Variants in BCAS3 observed in about 807,000 individuals in gnomAD.
The protein encoded by BCAS3 is BCAS4/BCAS3 fusion.
Under a neutral mutation model 116.1 loss-of-function variants are expected in BCAS3, and 53 were observed. That is an observed-to-expected ratio of 0.46 (90% CI 0.37 to 0.57). The LOEUF is 0.57. Among genes scored for constraint, BCAS3 ranks in the 20% least tolerant of loss-of-function variants. BCAS3 has a pLI of 0.00. For missense variants in BCAS3, 917 were observed against 1,165.4 expected, an observed-to-expected ratio of 0.79 and a Z score of 3.10; for synonymous variants, 391 against 408.2, an observed-to-expected ratio of 0.96 and a Z score of 0.51.
At chr17:60,820,292 G>A (rs1034153771) in intron 7 of BCAS3, among the ~76,000 whole-genome samples, 3 of 152,000 alleles carry the variant, frequency 2.0e-5, no homozygotes, top group East Asian at 2.0e-4. Context: ...TGATCTGCCC[G>A]CCTTGGCCTC....
In BCAS3 at chr17:61,305,248, T is replaced by C. The variant is rs1392236477; in HGVS notation, c.2426-63079T>C. ...CGGTGCATAGTCAATCAGCCAAACC[T>C]CTGATTCAGCTGCTTAGTTGGGTTA... is the stretch of plus-strand genomic sequence containing the variant. On this transcript the variant is annotated intron_variant, in intron 22 of 23. Transcript: ENST00000407086. 2.6e-5 allele frequency among the ~76,000 whole-genome samples: 4 copies of C among 152,184 alleles called. No individual in the cohort carries two copies. In the East Asian group the frequency reaches 7.7e-4, roughly 29 times the overall value.
chr17:60,750,845 C>A (rs1446680392), intron 6 of BCAS3, among the ~76,000 whole-genome samples: 1 of 152,174 alleles, frequency 6.6e-6, no homozygotes, highest in East Asian at 1.9e-4. Flanking sequence ...CCTTCTAACC[C>A]TTCTTGTTCC....
chr17:60,935,639 A>G (rs561289713), intron 13 of BCAS3, among the ~76,000 whole-genome samples: 97 of 152,312 alleles, frequency 6.4e-4, no homozygotes, highest in South Asian at 2.1e-3. Flanking sequence ...ACATATGCTC[A>G]TATACCCAAA....
Position 61,105,099 on chromosome 17 carries a change from C to T in BCAS3, c.2425+20535C>T, listed in dbSNP as rs1370380799. Among the ~76,000 whole-genome samples the T allele has an allele frequency of 3.3e-5, 5 of 152,144 alleles. No individual in the cohort carries two copies. Among genetic ancestry groups the T allele is most frequent in the African/African-American group, 1.2e-4 (5 of 41,432 alleles). ...TGCATTTCCATCTCTTTCATCCCTC[C>T]CTTTTTATGAGAATAAAAAGTGAAT... is the stretch of plus-strand genomic sequence containing the variant. On this transcript the variant is annotated intron_variant, in intron 22 of 23. Coordinates refer to ENST00000407086, the MANE Select transcript of BCAS3 (RefSeq NM_017679.5). This position sits in a 1 kb window ranked among gnomAD's most constrained non-coding sequence, Gnocchi z 4.3.
At chr17:60,925,098 AAAG>A (rs1260686392) in intron 13 of BCAS3, among the ~76,000 whole-genome samples, 3 of 150,794 alleles carry the variant, frequency 2.0e-5, no homozygotes, top group Non-Finnish European at 4.5e-5. Flanking sequence ...TTTTTTAAAA[AAAG>A]ATAAAGACAG....
intron 6 of BCAS3, among the ~76,000 whole-genome samples, chr17:60,805,204 G>A (rs754172806): frequency 3.3e-5 from 5 of 151,942 alleles, no homozygotes; most frequent in South Asian, 2.1e-4. Context: ...TGAATAGTGC[G>A]ATGATCCCTA....
intron 19 of BCAS3, among the ~76,000 whole-genome samples, chr17:61,055,222 C>G (rs1410410321): frequency 1.3e-5 from 2 of 152,190 alleles, no homozygotes; most frequent in East Asian, 3.8e-4. Context: ...TCACTTCCAT[C>G]ACTACGGTTA....
In BCAS3 at chr17:61,089,509, C is replaced by CTTTTTTTTTTTTTTTTTTTT. The variant is rs71370187; in HGVS notation, c.2425+4964_2425+4983dup. On this transcript the variant is annotated intron_variant, in intron 22 of 23. Coordinates refer to ENST00000407086, the MANE Select transcript of BCAS3 (RefSeq NM_017679.5). ...TTTTTCTTCGAGACGGAGTTTCACTCTTTTTTTTTTTTTTTTTTTTTTTTT... is the reference window on the plus strand; with the variant it reads ...TTTTTCTTCGAGACGGAGTTTCACTCTTTTTTTTTTTTTTTTTTTTTTTTTTTTTTTTTTTTTTTTTTTTT... Among the ~76,000 whole-genome samples, 4 of 26,750 alleles carry CTTTTTTTTTTTTTTTTTTTT rather than the reference C, an allele frequency of 1.5e-4. 1 individual carries two copies. The highest frequency in any genetic ancestry group is 5.0e-4 in the African/African-American group (3 of 6,048). 17.5% of individuals were successfully genotyped at this position (26,750 alleles called of 152,430 possible).
Position 61,037,660 on chromosome 17 carries a change from T to C in BCAS3, c.1763-229T>C, listed in dbSNP as rs536258539. ...GGTGACAGGAGCCTGTAATCCCAGCTACTCAAGAGGCTGAGGCGGGAGAAC... is the reference window on the plus strand; with the variant it reads ...GGTGACAGGAGCCTGTAATCCCAGCCACTCAAGAGGCTGAGGCGGGAGAAC... On this transcript the variant is annotated intron_variant, in intron 17 of 23. Transcript: ENST00000407086. This position sits in a 1 kb window ranked among gnomAD's most constrained non-coding sequence, Gnocchi z 4.7. Among the ~76,000 whole-genome samples the C allele has an allele frequency of 1.3e-5, 2 of 152,000 alleles. No individual in the cohort carries two copies. Among genetic ancestry groups the C allele is most frequent in the Non-Finnish European group, 2.9e-5 (2 of 68,006 alleles).
Position 61,388,705 on chromosome 17 carries a change from GAAGGT to G in BCAS3, c.2594-3267_2594-3263del. ...AACAAAGCATGCGTTCGGGATGGAGGAAGGTAAGGCCACACGTTTCCATTTGCCGC... is the reference window on the plus strand; with the variant it reads ...AACAAAGCATGCGTTCGGGATGGAGGAAGGCCACACGTTTCCATTTGCCGC... On this transcript the variant is annotated intron_variant, in intron 23 of 23. Coordinates refer to ENST00000407086, the MANE Select transcript of BCAS3 (RefSeq NM_017679.5). This position sits in a 1 kb window ranked among gnomAD's most constrained non-coding sequence, Gnocchi z 6.5. The G allele has an allele frequency of 6.5e-7, 1 of 1,549,692 alleles. No individual in the cohort carries two copies. Among genetic ancestry groups the G allele is most frequent in the Non-Finnish European group, 8.7e-7 (1 of 1,155,302 alleles).
At position 61,337,512 on chromosome 17, in the gene BCAS3, A is replaced by G. The variant is rs1411674314; in HGVS notation, c.2426-30815A>G. 2.0e-5 allele frequency among the ~76,000 whole-genome samples: 3 copies of G among 152,066 alleles called. No homozygotes were observed. Among genetic ancestry groups the G allele is most frequent in the Admixed American group, 2.0e-4 (3 of 15,268 alleles). On this transcript the variant is annotated intron_variant, in intron 22 of 23. Transcript: ENST00000407086. The surrounding 1 kb of genome is among the most constrained non-coding windows in gnomAD (Gnocchi z 4.8). The stretch of plus-strand genomic sequence containing the variant: ...CCCAGGTCTTCCTCTTGGAGCAACA[A>G]AATGCTCCCAGGGATCCTCCTGCCA...
At position 61,092,014 on chromosome 17, in the gene BCAS3, C is replaced by G. The variant is rs1035065465; in HGVS notation, c.2425+7450C>G. On this transcript the variant is annotated intron_variant, in intron 22 of 23. Coordinates refer to ENST00000407086, the MANE Select transcript of BCAS3 (RefSeq NM_017679.5). Reference sequence around the variant, plus strand: ...GTCAACCCAGAAAGTTTCTTATGCCCCTTCCAGTTAATACTACCAGTGACC... The same window carrying G: ...GTCAACCCAGAAAGTTTCTTATGCCGCTTCCAGTTAATACTACCAGTGACC... Among the ~76,000 whole-genome samples the G allele has an allele frequency of 7.2e-5, 11 of 152,218 alleles. No homozygotes were observed. In the East Asian group the frequency reaches 2.1e-3, roughly 29 times the overall value.
chr17:61,037,400 A>AT lies in BCAS3; in HGVS notation c.1763-488dup, dbSNP rs2067119776. Among the ~76,000 whole-genome samples, 1 of 152,216 alleles carries AT rather than the reference A, an allele frequency of 6.6e-6. No homozygotes were observed. Among genetic ancestry groups the AT allele is most frequent in the African/African-American group, 2.4e-5 (1 of 41,458 alleles). On this transcript the variant is annotated intron_variant, in intron 17 of 23. Coordinates refer to ENST00000407086, the MANE Select transcript of BCAS3 (RefSeq NM_017679.5). This position sits in a 1 kb window ranked among gnomAD's most constrained non-coding sequence, Gnocchi z 4.7. The stretch of plus-strand genomic sequence containing the variant: ...GTTGCTTAAGATTGAAAATACTCTG[A>AT]TATCATAGACATTTTCATATTCACT...
intron 5 of BCAS3, among the ~76,000 whole-genome samples, chr17:60,737,270 T>C (rs1307638380): frequency 6.6e-6 from 1 of 152,164 alleles, no homozygotes; most frequent in East Asian, 1.9e-4. Context: ...ATTAGTAGTT[T>C]GTGCCTTCTC....
intron 8 of BCAS3, 117 bp downstream of exon 8, chr17:60,868,800 C>A: frequency 1.8e-6 from 1 of 555,866 alleles, no homozygotes; most frequent in Non-Finnish European, 3.0e-6. Context: ...CTCAAGGAAA[C>A]ACCTTCTGAA....
intron 7 of BCAS3, among the ~76,000 whole-genome samples, chr17:60,817,881 G>A (rs2049577195): frequency 6.8e-6 from 1 of 147,652 alleles, no homozygotes; most frequent in African/African-American, 2.5e-5. Context: ...TTGAGGCAGA[G>A]TCTCACTCTG....
intron 2 of BCAS3, among the ~76,000 whole-genome samples, chr17:60,682,825 A>C (rs1361317251): frequency 6.6e-6 from 1 of 152,188 alleles, no homozygotes; most frequent in East Asian, 1.9e-4. Flanking sequence ...CCTGGCCTAA[A>C]ATAGTATTTT....
chr17:61,225,144 C>G lies in BCAS3; in HGVS notation c.2425+140580C>G, dbSNP rs150653969. ...TAGCAAGTCCATCCTTTTGGACATA[C>G]AAGTATCGCTCTGCCTTTTTTTTTT... On this transcript the variant is annotated intron_variant, in intron 22 of 23. Coordinates refer to ENST00000407086, the MANE Select transcript of BCAS3 (RefSeq NM_017679.5). Among the ~76,000 whole-genome samples the G allele has an allele frequency of 8.1e-3, 1,130 of 140,196 alleles. 4 individuals carry two copies. The highest frequency in any genetic ancestry group is 0.012 in the Non-Finnish European group (802 of 66,024). 92.0% of individuals were successfully genotyped at this position (140,196 alleles called of 152,430 possible).
chr17:60,840,890 TTGTAGG>T (rs1425732334), intron 7 of BCAS3, among the ~76,000 whole-genome samples: 1 of 152,188 alleles, frequency 6.6e-6, no homozygotes, highest in Non-Finnish European at 1.5e-5. Flanking sequence ...GCTTAATGCT[TTGTAGG>T]CTTCTCTGTT....
Sources: gnomAD v4.1 joint callset for allele counts (sites outside exome capture counted in the v4.1 genomes callset) on GRCh38, gnomAD v4.1.1 for gene constraint, Gnocchi (gnomAD v3.1) non-coding constraint, MANE v1.5 for transcripts, NCBI Gene and HGNC (gene_info 2026-07-23, HGNC 2026-07-21) for gene names.